The following NHSL1 variants were observed in gnomAD, a reference collection of about 807,000 sequenced individuals.
The protein encoded by NHSL1 is NHS-like protein 1.
NHSL1 carries 48 observed loss-of-function variants against 95.0 expected under a neutral mutation model. The observed-to-expected ratio is 0.51, with a 90% confidence interval of 0.40 to 0.64. NHSL1 has a LOEUF of 0.64. Ranked by LOEUF, NHSL1 falls within the 30% of genes least tolerant of loss-of-function variation. The pLI, the probability that NHSL1 is intolerant of heterozygous loss-of-function variation, is 0.00. For missense variants in NHSL1, 1,971 were observed against 2,077.7 expected (o/e 0.95, Z 1.00); for synonymous variants, 783 against 833.9 (o/e 0.94, Z 1.05).
intron 3 of NHSL1, among the ~76,000 whole-genome samples, chr6:138,453,780 TC>T (rs1431420568): frequency 3.3e-5 from 5 of 152,236 alleles, no homozygotes; most frequent in African/African-American, 1.2e-4. Context: ...ACTCCTAGGC[TC>T]AAGCCATCCT....
intron 1 of NHSL1, among the ~76,000 whole-genome samples, chr6:138,598,482 G>A (rs9376356): frequency 0.18 from 27,079 of 151,084 alleles, 3,122 homozygotes; most frequent in East Asian, 0.36. Flanking sequence ...ATAGCCAGAT[G>A]TGGTGGTGCA....
chr6:138,561,641 C>A (rs535657988), intron 1 of NHSL1, among the ~76,000 whole-genome samples: 100 of 152,318 alleles, frequency 6.6e-4, no homozygotes, highest in African/African-American at 2.3e-3. Flanking sequence ...CAAGTGTATG[C>A]AGCACTAGGG....
intron 1 of NHSL1, among the ~76,000 whole-genome samples, chr6:138,670,177 C>T (rs561210150): frequency 1.4e-4 from 22 of 151,862 alleles, no homozygotes; most frequent in Admixed American, 3.3e-4. Context: ...CTGACAGGTC[C>T]TCTTCCCCAC....
At chr6:138,544,966 A>C (rs1441341351) in intron 1 of NHSL1, among the ~76,000 whole-genome samples, 2 of 149,786 alleles carry the variant, frequency 1.3e-5, no homozygotes, top group Non-Finnish European at 3.0e-5. Context: ...CAGAACAAGA[A>C]GTATGTTCTT....
intron 2 of NHSL1, among the ~76,000 whole-genome samples, chr6:138,490,574 C>T: frequency 6.6e-6 from 1 of 152,156 alleles, no homozygotes; most frequent in East Asian, 1.9e-4. Flanking sequence ...CTGTCGGTAA[C>T]TGTAGAGAAA....
chr6:138,486,354 C>A (rs1309197988), intron 2 of NHSL1, among the ~76,000 whole-genome samples: 1 of 152,120 alleles, frequency 6.6e-6, no homozygotes, highest in African/African-American at 2.4e-5. Context: ...TCCTTCTTAT[C>A]TCAGGAAATC....
At chr6:138,429,866 A>G in intron 6 of NHSL1, 23 bp from the exon 7 acceptor site, 1 of 1,540,252 alleles carries the variant, frequency 6.5e-7, no homozygotes, top group Non-Finnish European at 8.8e-7. Flanking sequence ...AGGCAGGCAT[A>G]CAAGACGCAC....
intron 2 of NHSL1, among the ~76,000 whole-genome samples, chr6:138,475,227 T>C (rs562879897): frequency 7.0e-6 from 1 of 142,554 alleles, no homozygotes; most frequent in South Asian, 2.2e-4. Flanking sequence ...AGTTTTCTTC[T>C]TTTTTTTTTT....
chr6:138,521,319 C>T (rs1238278159), intron 1 of NHSL1, among the ~76,000 whole-genome samples: 1 of 152,006 alleles, frequency 6.6e-6, no homozygotes, highest in Non-Finnish European at 1.5e-5. Context: ...TAAAAAAATT[C>T]ACTGGGACTG....
chr6:138,506,412 C>T (rs1780965676), intron 1 of NHSL1, among the ~76,000 whole-genome samples: 1 of 152,078 alleles, frequency 6.6e-6, no homozygotes, highest in Non-Finnish European at 1.5e-5. Flanking sequence ...GTAACACAGG[C>T]AGGTAAATTA....
chr6:138,501,304 T>C (rs1780663859), upstream of NHSL1, among the ~76,000 whole-genome samples: 1 of 152,200 alleles, frequency 6.6e-6, no homozygotes, highest in Non-Finnish European at 1.5e-5. Flanking sequence ...GGATACATCA[T>C]TGGACAAAAT....
chr6:138,574,690 AAAG>A (rs1336810021), upstream of NHSL1, among the ~76,000 whole-genome samples: 5 of 145,794 alleles, frequency 3.4e-5, no homozygotes, highest in Admixed American at 3.3e-4. Context: ...AAAAAAAAGA[AAAG>A]AAAAAAAGTT....
upstream of NHSL1, among the ~76,000 whole-genome samples, chr6:138,574,863 A>G (rs1357979503): frequency 5.3e-5 from 8 of 152,028 alleles, 1 homozygote; most frequent in African/African-American, 1.9e-4. Context: ...AAAGAAATAA[A>G]TAAAAATAAA....
At chr6:138,644,066 G>T (rs1449264684) in intron 1 of NHSL1, among the ~76,000 whole-genome samples, 8 of 151,054 alleles carry the variant, frequency 5.3e-5, no homozygotes, top group African/African-American at 1.9e-4. Context: ...AAGTGTTTCG[G>T]TTATTTGAGA....
chr6:138,459,623 A>G (rs1012875215), intron 3 of NHSL1, among the ~76,000 whole-genome samples: 1 of 152,278 alleles, frequency 6.6e-6, no homozygotes, highest in African/African-American at 2.4e-5. Context: ...TTTCCATACT[A>G]TGCTAAGTGG....
rs1481408776 is a variant in NHSL1 at position 138,630,221 on chromosome 6, C to CA, written c.96+62254_96+62255insT. Reference sequence around the variant, plus strand: ...GACCTTGTCTCCCCGCCCACTCCCACCAAAAAAAAAAAATCACACTGTGAA... The same window carrying CA: ...GACCTTGTCTCCCCGCCCACTCCCACACAAAAAAAAAAAATCACACTGTGAA... On this transcript the variant is annotated intron_variant, in intron 1 of 3. Coordinates refer to the NHSL1 transcript ENST00000491526. 2.5e-3 allele frequency among the ~76,000 whole-genome samples: 373 copies of CA among 148,998 alleles called. 3 individuals carry two copies. The highest frequency in any genetic ancestry group is 8.6e-3 in the African/African-American group (346 of 40,114).
intron 1 of NHSL1, among the ~76,000 whole-genome samples, chr6:138,583,794 C>T (rs1360478395): frequency 6.6e-6 from 1 of 152,152 alleles, no homozygotes; most frequent in African/African-American, 2.4e-5. Flanking sequence ...AGCCAGAGAG[C>T]ATATATTTTA....
chr6:138,588,597 G>A (rs1784176943), intron 1 of NHSL1, among the ~76,000 whole-genome samples: 1 of 152,196 alleles, frequency 6.6e-6, no homozygotes, highest in South Asian at 2.1e-4. Context: ...CTTCACCACT[G>A]ACTTGAATCA....
intron 1 of NHSL1, among the ~76,000 whole-genome samples, chr6:138,563,024 T>G (rs1038104973): frequency 6.6e-6 from 1 of 152,216 alleles, no homozygotes; most frequent in Admixed American, 6.5e-5. Flanking sequence ...ATTAAGTCCT[T>G]GATGCCAAAA....
Sources: gnomAD v4.1 joint callset for allele counts (sites outside exome capture counted in the v4.1 genomes callset) on GRCh38, gnomAD v4.1.1 for gene constraint, MANE v1.5 for transcripts, NCBI Gene and HGNC (gene_info 2026-07-23, HGNC 2026-07-21) for gene names.